RPTOR: variants seen among roughly 807,000 people sequenced by gnomAD.
RPTOR encodes regulatory-associated protein of mTOR.
In RPTOR, 21 loss-of-function variants were observed where a neutral mutation model predicts 169.9. That is an observed-to-expected ratio of 0.12 (90% confidence interval 0.09 to 0.18). The LOEUF (loss-of-function observed/expected upper bound fraction) is 0.18. RPTOR is among the 10% of genes least tolerant of loss of function. RPTOR has a pLI of 1.00. For missense variants in RPTOR, 1,133 were observed against 1,855.9 expected (o/e 0.61, Z 7.16); for synonymous variants, 732 against 753.2 (o/e 0.97, Z 0.46).
At chr17:80,594,475 G>C (rs1428919998) in intron 1 of RPTOR, among the ~76,000 whole-genome samples, 1 of 152,230 alleles carries the variant, frequency 6.6e-6, no homozygotes, top group Non-Finnish European at 1.5e-5. Context: ...GACTTTCTCT[G>C]TCAATGTTCT....
chr17:80,879,356 C>A (rs1257737890), intron 13 of RPTOR, among the ~76,000 whole-genome samples: 1 of 150,686 alleles, frequency 6.6e-6, no homozygotes, highest in African/African-American at 2.4e-5. Context: ...CACCTGCCCC[C>A]GCCTGCCCTG....
chr17:80,825,093 G>T (rs2067424897), intron 9 of RPTOR, among the ~76,000 whole-genome samples: 1 of 149,966 alleles, frequency 6.7e-6, no homozygotes, highest in African/African-American at 2.5e-5. Context: ...AGGCCACGTG[G>T]CGAGGTCAGC....
Position 80,957,488 on chromosome 17 carries a change from T to C in RPTOR, c.3371-136T>C. ...CTAGCGGGAGCTCATATGAGGCATA[T>C]GGACCCACCAGATGGGCTCGATGGT... is the stretch of plus-strand genomic sequence containing the variant. On this transcript the variant is annotated intron_variant, in intron 28 of 33. Coordinates refer to ENST00000306801, the MANE Select transcript of RPTOR (RefSeq NM_020761.3). This position sits in a 1 kb window ranked among gnomAD's most constrained non-coding sequence, Gnocchi z 4.6. 1 of 769,520 alleles carries C rather than the reference T, an allele frequency of 1.3e-6. No individual in the cohort carries two copies. The highest frequency in any genetic ancestry group is 2.3e-6 in the Non-Finnish European group (1 of 437,272). The allele number at this position is 769,520 out of a possible 1,614,324, so 47.7% of individuals were successfully genotyped here.
chr17:80,708,367 C>T lies in RPTOR; in HGVS notation c.507+368C>T, dbSNP rs931303750. 6.6e-6 allele frequency among the ~76,000 whole-genome samples: 1 copy of T among 152,236 alleles called. No individual in the cohort carries two copies. Among genetic ancestry groups the T allele is most frequent in the African/African-American group, 2.4e-5 (1 of 41,468 alleles). ...TCTTTCTTTAAGCATCGGTGATTTTCTTAGAAAATAAAGTGTTTTATATAT... is the reference window on the plus strand; with the variant it reads ...TCTTTCTTTAAGCATCGGTGATTTTTTTAGAAAATAAAGTGTTTTATATAT... On this transcript the variant is annotated intron_variant, in intron 4 of 33. Coordinates refer to ENST00000306801, the MANE Select transcript of RPTOR (RefSeq NM_020761.3). The surrounding 1 kb of genome is among the most constrained non-coding windows in gnomAD (Gnocchi z 4.2).
At chr17:80,557,795 A>G (rs565200484) in intron 1 of RPTOR, among the ~76,000 whole-genome samples, 15 of 149,638 alleles carry the variant, frequency 1.0e-4, no homozygotes, top group African/African-American at 2.9e-4. Flanking sequence ...GCATGGTGGC[A>G]GATGCCTGTA....
chr17:80,714,483 T>C (rs2066223508), intron 4 of RPTOR, among the ~76,000 whole-genome samples: 1 of 152,112 alleles, frequency 6.6e-6, no homozygotes, highest in African/African-American at 2.4e-5. Context: ...AATCATAGAG[T>C]ATATTCTCTG....
Position 80,803,579 on chromosome 17 carries a change from G to A in RPTOR, c.890+12070G>A, listed in dbSNP as rs1190757641. On this transcript the variant is annotated intron_variant, in intron 7 of 33. Coordinates refer to ENST00000306801, the MANE Select transcript of RPTOR (RefSeq NM_020761.3). The surrounding 1 kb of genome is among the most constrained non-coding windows in gnomAD (Gnocchi z 6.2). Reference sequence around the variant, plus strand: ...CGTGAGTGGCCAGCTCGTCAGCGGGGCCTCGGGTTCCAGGCTCGAGCGCAC... The same window carrying A: ...CGTGAGTGGCCAGCTCGTCAGCGGGACCTCGGGTTCCAGGCTCGAGCGCAC... The A allele has an allele frequency of 3.3e-5, 5 of 152,256 alleles. No homozygotes were observed. The highest frequency in any genetic ancestry group is 5.9e-5 in the Non-Finnish European group (4 of 68,064). The allele number at this position is 152,256 out of a possible 1,614,324, so 9.4% of individuals were successfully genotyped here.
At chr17:80,728,367 C>T (rs1284389421) in intron 4 of RPTOR, among the ~76,000 whole-genome samples, 2 of 151,856 alleles carry the variant, frequency 1.3e-5, no homozygotes, top group Non-Finnish European at 2.9e-5. Flanking sequence ...TTGTGACTTG[C>T]TTAATTAAGG....
intron 4 of RPTOR, among the ~76,000 whole-genome samples, chr17:80,712,378 C>T (rs562241962): frequency 3.3e-5 from 5 of 152,280 alleles, no homozygotes; most frequent in African/African-American, 4.8e-5. Flanking sequence ...TCTCCCCTAG[C>T]ATTTGGTCTT....
Position 80,965,072 on chromosome 17 carries a change from G to C in RPTOR, c.*742G>C, listed in dbSNP as rs565037090. On this transcript the variant is annotated 3_prime_UTR_variant, in exon 34 of 34. Coordinates refer to ENST00000306801, the MANE Select transcript of RPTOR (RefSeq NM_020761.3). ...AGAGCTGTCAGCAGGGGCCGCTGTGGCGGTGCACAGGGGAGGCAGGTCCTT... is the reference window on the plus strand; with the variant it reads ...AGAGCTGTCAGCAGGGGCCGCTGTGCCGGTGCACAGGGGAGGCAGGTCCTT... The C allele has an allele frequency of 2.6e-5, 6 of 233,196 alleles. No homozygotes were observed. The highest frequency in any genetic ancestry group is 5.1e-5 in the Non-Finnish European group (6 of 118,082). 14.4% of individuals were successfully genotyped at this position (233,196 alleles called of 1,614,324 possible). A position where few individuals can be genotyped will look rare whatever the true frequency, so the allele number is the denominator to read the frequency against.
chr17:80,553,021 TA>T (rs1392168035), intron 1 of RPTOR, among the ~76,000 whole-genome samples: 1 of 152,220 alleles, frequency 6.6e-6, no homozygotes, highest in Admixed American at 6.5e-5. Flanking sequence ...GTTTTCATAA[TA>T]ATGGAACACC....
rs1476464579 is a variant in RPTOR at position 80,552,291 on chromosome 17, C to T, written c.162+6500C>T. On this transcript the variant is annotated intron_variant, in intron 1 of 33. Transcript: ENST00000306801. ...GTTCACAAAGCCTTCATGATTTGGC[C>T]TCTGCCTGCCTTTTCTGCTTCTTGG... is the stretch of plus-strand genomic sequence containing the variant. Among the ~76,000 whole-genome samples, 3 of 152,184 alleles carry T rather than the reference C, an allele frequency of 2.0e-5. No individual in the cohort carries two copies. The East Asian group carries it at 5.8e-4, about 29-fold the overall frequency.
intron 11 of RPTOR, among the ~76,000 whole-genome samples, chr17:80,848,566 A>T (rs1366411825): frequency 6.6e-6 from 1 of 152,270 alleles, no homozygotes; most frequent in Admixed American, 6.5e-5. Flanking sequence ...GTAGAAAGGC[A>T]GCTGGCTGTG....
intron 25 of RPTOR, among the ~76,000 whole-genome samples, chr17:80,945,159 G>A (rs922746751): frequency 2.6e-5 from 4 of 151,902 alleles, no homozygotes; most frequent in African/African-American, 9.7e-5. Context: ...GCCAGGTGTG[G>A]CGGTGCGCGC....
At chr17:80,847,999 G>A (rs573030161) in intron 11 of RPTOR, among the ~76,000 whole-genome samples, 10 of 152,372 alleles carry the variant, frequency 6.6e-5, no homozygotes, top group South Asian at 2.1e-4. Context: ...CGTCGCAGGC[G>A]TGCTGTAGGA....
chr17:80,823,279 G>T lies in RPTOR; in HGVS notation c.1136+56G>T. The stretch of plus-strand genomic sequence containing the variant: ...GCTCCCCCGCCCTCCGTGGCACTGT[G>T]ATGTCATGGAATTGCACGGAGCTGG... On this transcript the variant is annotated intron_variant, in intron 9 of 33. Coordinates refer to ENST00000306801, the MANE Select transcript of RPTOR (RefSeq NM_020761.3). The surrounding 1 kb of genome is among the most constrained non-coding windows in gnomAD (Gnocchi z 4.5). 6.3e-7 allele frequency: 1 copy of T among 1,594,812 alleles called. No homozygotes were observed.
At chr17:80,964,199 C>A in intron 33 of RPTOR, 63 bp from the exon 34 acceptor site, 4 of 1,182,180 alleles carry the variant, frequency 3.4e-6, no homozygotes, top group Non-Finnish European at 5.0e-6. Context: ...GCCTGCGCCC[C>A]CCCGCCCCCC....
intron 4 of RPTOR, among the ~76,000 whole-genome samples, chr17:80,709,827 C>T (rs533895216): frequency 6.6e-6 from 1 of 152,310 alleles, no homozygotes; most frequent in South Asian, 2.1e-4. Context: ...CTGCTATCCA[C>T]TTCTCTCTGC....
intron 26 of RPTOR, 90 bp downstream of exon 26, chr17:80,945,871 G>GT: frequency 1.4e-6 from 1 of 732,474 alleles, no homozygotes; most frequent in Non-Finnish European, 2.1e-6. Flanking sequence ...CCTCTTCCTT[G>GT]AAAAGCAGAT....
Sources: allele counts gnomAD v4.1 joint callset (sites outside exome capture counted in the v4.1 genomes callset), GRCh38; gene constraint gnomAD v4.1.1; non-coding constraint Gnocchi (gnomAD v3.1); transcripts MANE v1.5; gene names NCBI Gene and HGNC (gene_info 2026-07-23, HGNC 2026-07-21).